COL25A1: variants seen among roughly 807,000 people sequenced by gnomAD.
The protein encoded by COL25A1 is collagen type XXV alpha 1 chain.
Under a neutral mutation model 128.4 loss-of-function variants are expected in COL25A1, and 103 were observed. That is an observed-to-expected ratio of 0.80 (90% CI 0.68 to 0.94). The LOEUF (loss-of-function observed/expected upper bound fraction) is 0.94. Among genes scored for constraint, COL25A1 ranks in the 40% least tolerant of loss-of-function variants. The pLI is 0.00. For missense variants in COL25A1, 745 were observed against 840.0 expected (o/e 0.89, Z 1.40); for synonymous variants, 279 against 277.2 (o/e 1.01, Z -0.06).
intron 3 of COL25A1, among the ~76,000 whole-genome samples, chr4:109,072,372 C>G (rs1763041600): frequency 2.0e-5 from 3 of 152,128 alleles, no homozygotes; most frequent in Admixed American, 2.0e-4. Context: ...TACATTTCCT[C>G]TTTCATAAGC....
In COL25A1 at chr4:109,258,399, T is replaced by C. The variant is rs77605917; in HGVS notation, c.367+42184A>G. On this transcript the variant is annotated intron_variant, in intron 3 of 37. Transcript: ENST00000399132. ...CCATTTTACTAGCTGTTTGACCTTC[T>C]GTAAGTTAATTATTCTATCTGTACC... is the stretch of plus-strand genomic sequence containing the variant. 7.4e-3 allele frequency among the ~76,000 whole-genome samples: 1,129 copies of C among 152,344 alleles called. 14 individuals are homozygous for C. The highest frequency in any genetic ancestry group is 0.025 in the African/African-American group (1,032 of 41,582).
intron 5 of COL25A1, among the ~76,000 whole-genome samples, chr4:109,033,158 G>A (rs1759027659): frequency 6.6e-6 from 1 of 152,178 alleles, no homozygotes; most frequent in Admixed American, 6.5e-5. Context: ...GAAAGTTCAG[G>A]GAAAAGTTTC....
intron 3 of COL25A1, among the ~76,000 whole-genome samples, chr4:109,155,067 G>A (rs1249610880): frequency 6.6e-6 from 1 of 152,082 alleles, no homozygotes; most frequent in Non-Finnish European, 1.5e-5. Context: ...TGTAAGGCAG[G>A]GATGATGTTA....
intron 21 of COL25A1, among the ~76,000 whole-genome samples, 166 bp downstream of exon 21, chr4:108,863,153 G>C (rs543450540): frequency 3.9e-5 from 6 of 152,310 alleles, no homozygotes; most frequent in Admixed American, 3.9e-4. Flanking sequence ...ACAGGGTGAG[G>C]TGAATTGTAA....
intron 5 of COL25A1, among the ~76,000 whole-genome samples, chr4:109,042,192 A>G (rs1420490910): frequency 6.6e-6 from 1 of 152,132 alleles, no homozygotes; most frequent in African/African-American, 2.4e-5. Flanking sequence ...AAACTATAGC[A>G]GAGGAAGCAT....
intron 8 of COL25A1, among the ~76,000 whole-genome samples, chr4:108,967,700 T>C (rs1420867548): frequency 6.6e-6 from 1 of 152,182 alleles, no homozygotes; most frequent in African/African-American, 2.4e-5. Context: ...GGCTTAGAGA[T>C]GATGTATGCA....
chr4:109,056,270 A>G (rs1394149583), intron 3 of COL25A1, among the ~76,000 whole-genome samples: 1 of 152,062 alleles, frequency 6.6e-6, no homozygotes. Flanking sequence ...ATTGTTTGCT[A>G]GTAAGATTTT....
At chr4:108,922,504 G>C (rs1745597137) in intron 11 of COL25A1, among the ~76,000 whole-genome samples, 1 of 152,040 alleles carries the variant, frequency 6.6e-6, no homozygotes, top group Non-Finnish European at 1.5e-5. Context: ...TCATCACACG[G>C]ATATATAACC....
At chr4:109,254,718 A>G (rs889507908) in intron 3 of COL25A1, among the ~76,000 whole-genome samples, 17 of 151,820 alleles carry the variant, frequency 1.1e-4, no homozygotes, top group Admixed American at 2.6e-4. Flanking sequence ...ATTTAAAGAA[A>G]TTCCTTTAAT....
chr4:109,257,242 T>C (rs1311382458), intron 3 of COL25A1, among the ~76,000 whole-genome samples: 1 of 152,234 alleles, frequency 6.6e-6, no homozygotes, highest in Non-Finnish European at 1.5e-5. Flanking sequence ...GAATCCAATG[T>C]GAAGATAAAT....
intron 5 of COL25A1, among the ~76,000 whole-genome samples, chr4:109,044,215 G>T (rs1760205292): frequency 6.6e-6 from 1 of 151,836 alleles, no homozygotes; most frequent in Admixed American, 6.6e-5. Context: ...TCTAATTCAA[G>T]TTGTATTTCA....
At chr4:108,827,099 C>T (rs776992179) in intron 33 of COL25A1, 36 bp downstream of exon 33, 105 of 1,599,726 alleles carry the variant, frequency 6.6e-5, no homozygotes, top group Middle Eastern at 1.6e-4. Context: ...TCTATGCATG[C>T]GGAAGGTGGG....
chr4:108,877,102 T>C (rs1187666105), intron 19 of COL25A1, among the ~76,000 whole-genome samples: 2 of 152,168 alleles, frequency 1.3e-5, no homozygotes, highest in African/African-American at 4.8e-5. Context: ...AGCCGCAAGC[T>C]GAAAATCTGA....
intron 16 of COL25A1, among the ~76,000 whole-genome samples, chr4:108,891,525 T>C (rs1384510264): frequency 6.6e-6 from 1 of 152,204 alleles, no homozygotes; most frequent in African/African-American, 2.4e-5. Context: ...TATACAATAA[T>C]ATCTTTGAAT....
At chr4:109,088,617 A>G (rs1764623664) in intron 3 of COL25A1, among the ~76,000 whole-genome samples, 2 of 152,224 alleles carry the variant, frequency 1.3e-5, no homozygotes, top group East Asian at 3.8e-4. Flanking sequence ...TGATGAATGA[A>G]TGAATGATAA....
chr4:109,264,785 C>G (rs1473038129), intron 3 of COL25A1, among the ~76,000 whole-genome samples: 1 of 152,162 alleles, frequency 6.6e-6, no homozygotes, highest in Non-Finnish European at 1.5e-5. Context: ...CATTGGCACT[C>G]CCTGGTTTAC....
chr4:108,814,492 C>A (rs1731071578), intron 37 of COL25A1, among the ~76,000 whole-genome samples: 2 of 152,178 alleles, frequency 1.3e-5, no homozygotes, highest in South Asian at 2.1e-4. Context: ...GGCCTTCAAT[C>A]TGTATTACAG....
At chr4:109,067,034 T>C (rs1039782405) in intron 3 of COL25A1, among the ~76,000 whole-genome samples, 1 of 152,232 alleles carries the variant, frequency 6.6e-6, no homozygotes, top group East Asian at 1.9e-4. Context: ...TTATTCTCAT[T>C]CTTACACAAT....
intron 3 of COL25A1, among the ~76,000 whole-genome samples, chr4:109,278,452 A>C (rs1290624250): frequency 6.6e-6 from 1 of 152,148 alleles, no homozygotes; most frequent in African/African-American, 2.4e-5. Context: ...TTTTTGGAAA[A>C]TGTTTTATAT....
Sources: gnomAD v4.1 joint callset for allele counts (sites outside exome capture counted in the v4.1 genomes callset) on GRCh38, gnomAD v4.1.1 for gene constraint, MANE v1.5 for transcripts, NCBI Gene and HGNC (gene_info 2026-07-23, HGNC 2026-07-21) for gene names.